The following ZNF790 variants were observed in gnomAD, a reference collection of about 807,000 sequenced individuals.
ZNF790 encodes zinc finger protein 790.
A neutral mutation model predicts 12.1 loss-of-function variants in ZNF790; 8 were observed. The observed-to-expected ratio is 0.66, with a 90% CI of 0.39 to 1.19. The LOEUF (loss-of-function observed/expected upper bound fraction) is 1.19, where lower values mean the gene tolerates loss of function less well. ZNF790 is among the 50% of genes most tolerant of loss of function. The pLI, the probability that ZNF790 is intolerant of heterozygous loss-of-function variation, is 0.01. For synonymous variants in ZNF790, 252 were observed against 244.3 expected (o/e 1.03, Z -0.29); for missense variants, 707 against 752.2 (o/e 0.94, Z 0.70).
upstream of ZNF790, among the ~76,000 whole-genome samples, chr19:36,843,002 C>CAA (rs59705640): frequency 1.3e-3 from 88 of 65,374 alleles, no homozygotes; most frequent in South Asian, 2.9e-3. Flanking sequence ...GACTCCATCT[C>CAA]AAAAAAAAAA....
rs61910745 is a variant in ZNF790 at position 36,819,627 on chromosome 19, C to G, written c.717G>C (p.Ser239=). Residue 239 remains serine, a synonymous_variant, in exon 5 of 5, where the codon TCG becomes TCC. Coordinates refer to ENST00000356725, the MANE Select transcript of ZNF790 (RefSeq NM_206894.4). The stretch of plus-strand genomic sequence containing the variant: ...GAATTCTCTTATGACCAGTAAGACT[C>G]GAACGTAAACTAAAAGACTTCCCAC... The part of the protein sequence containing the change: ...KECGKSFSLR[S]SLTGHKRIHT... 1 of 1,606,036 alleles carries G rather than the reference C, an allele frequency of 6.2e-7. No individual in the cohort carries two copies. Among genetic ancestry groups the G allele is most frequent in the East Asian group, 2.2e-5 (1 of 44,752 alleles).
intron 1 of ZNF790, among the ~76,000 whole-genome samples, chr19:36,830,600 GTCC>G (rs1371575415): frequency 6.6e-6 from 1 of 152,112 alleles, no homozygotes; most frequent in Non-Finnish European, 1.5e-5. Flanking sequence ...GATAATAGGA[GTCC>G]TCCTGAACCA....
chr19:36,822,492 C>T (rs1179740305), intron 4 of ZNF790, among the ~76,000 whole-genome samples: 36 of 151,902 alleles, frequency 2.4e-4, no homozygotes, highest in Admixed American at 2.2e-3. Flanking sequence ...TTGTCTCTAT[C>T]TAGGCCTCAG....
At chr19:36,831,457 C>T (rs2071943747) in intron 1 of ZNF790, among the ~76,000 whole-genome samples, 1 of 152,102 alleles carries the variant, frequency 6.6e-6, no homozygotes, top group East Asian at 1.9e-4. Flanking sequence ...CGGCATGTGC[C>T]TGTGGTCCCA....
intron 1 of ZNF790, among the ~76,000 whole-genome samples, chr19:36,846,422 G>A (rs1011148409): frequency 6.6e-5 from 10 of 152,134 alleles, no homozygotes; most frequent in African/African-American, 2.2e-4. Flanking sequence ...AAAATTAGCC[G>A]GGCATGGTGG....
At chr19:36,829,786 C>G (rs2071909639) in intron 1 of ZNF790, among the ~76,000 whole-genome samples, 1 of 152,110 alleles carries the variant, frequency 6.6e-6, no homozygotes, top group African/African-American at 2.4e-5. Context: ...AGGCTAGTCT[C>G]AAATTCCCGA....
intron 1 of ZNF790, among the ~76,000 whole-genome samples, chr19:36,828,661 C>T (rs576517564): frequency 3.0e-4 from 46 of 152,078 alleles, no homozygotes; most frequent in African/African-American, 1.0e-3. Context: ...TTATTTTTGT[C>T]GAGACGGGGT....
intron 2 of ZNF790, among the ~76,000 whole-genome samples, chr19:36,825,246 C>G (rs1161719799): frequency 6.6e-6 from 1 of 152,218 alleles, no homozygotes; most frequent in Admixed American, 6.5e-5. Flanking sequence ...ATGAAACATC[C>G]CATTCTACAG....
chr19:36,830,733 A>G (rs2071929952), intron 1 of ZNF790, among the ~76,000 whole-genome samples: 1 of 152,178 alleles, frequency 6.6e-6, no homozygotes, highest in East Asian at 1.9e-4. Context: ...CTTAAAAACT[A>G]CCCTTGCCCC....
chr19:36,829,202 C>T (rs190586543), intron 1 of ZNF790, among the ~76,000 whole-genome samples: 3 of 152,212 alleles, frequency 2.0e-5, no homozygotes, highest in African/African-American at 7.2e-5. Flanking sequence ...TTCACAAATA[C>T]GTGCAACCAC....
rs1314125293 is a variant in ZNF790 at position 36,819,017 on chromosome 19, T to G, written c.1327A>C (p.Ile443Leu). 1.2e-6 allele frequency: 2 copies of G among 1,614,054 alleles called. No homozygotes were observed. Among genetic ancestry groups the G allele is most frequent in the African/African-American group, 2.7e-5 (2 of 74,938 alleles). Residue 443 changes from isoleucine to leucine, a missense_variant, in exon 5 of 5, where the codon ATT becomes CTT. Coordinates refer to ENST00000356725, the MANE Select transcript of ZNF790 (RefSeq NM_206894.4). ...WASYLAQHEK[I>L]HNERKSYECK... ...TCATAGGATTTCCTCTCATTGTGAA[T>G]TTTCTCATGTTGAGCAAGATACGAA...
At chr19:36,848,155 C>T (rs2072197061) in intron 1 of ZNF790, among the ~76,000 whole-genome samples, 2 of 152,186 alleles carry the variant, frequency 1.3e-5, no homozygotes. Context: ...CTTTACTGTT[C>T]ATTAACCAAC....
At chr19:36,822,664 C>T (rs1470887656) in intron 4 of ZNF790, among the ~76,000 whole-genome samples, 2 of 152,162 alleles carry the variant, frequency 1.3e-5, no homozygotes, top group African/African-American at 4.8e-5. Flanking sequence ...CCTCAGCCTC[C>T]CGAGTAGCTG....
At position 36,819,628 on chromosome 19, in the gene ZNF790, G is replaced by T. The variant is rs200810061; in HGVS notation, c.716C>A (p.Ser239Ter). 3 of 1,606,722 alleles carry T rather than the reference G, an allele frequency of 1.9e-6. No homozygotes were observed. The highest frequency in any genetic ancestry group is 1.3e-5 in the African/African-American group (1 of 74,586). ...AATTCTCTTATGACCAGTAAGACTC[G>T]AACGTAAACTAAAAGACTTCCCACA... ...KECGKSFSLR[S>*]SLTGHKRIHT... Residue 239 changes from serine (S) to a stop codon, truncating the protein, a stop_gained, in exon 5 of 5, where the codon TCG becomes TAG. Coordinates refer to ENST00000356725, the MANE Select transcript of ZNF790 (RefSeq NM_206894.4). LOFTEE classifies it low-confidence loss of function (END_TRUNC).
Position 36,818,148 on chromosome 19 carries a change from A to C in ZNF790, c.*285T>G, listed in dbSNP as rs369251949. On this transcript the variant is annotated 3_prime_UTR_variant, in exon 5 of 5. Transcript: ENST00000356725. Reference sequence around the variant, plus strand: ...AAATTATATATAAATTCTTTATGCAACATCTCTGATGAGAATGTTTTGAGA... The same window carrying C: ...AAATTATATATAAATTCTTTATGCACCATCTCTGATGAGAATGTTTTGAGA... The C allele has an allele frequency of 1.9e-5, 4 of 209,606 alleles. No individual in the cohort carries two copies. The highest frequency in any genetic ancestry group is 5.2e-5 in the Admixed American group (1 of 19,072). The allele number at this position is 209,606 out of a possible 1,614,324, so 13.0% of individuals were successfully genotyped here. A position where few individuals can be genotyped will look rare whatever the true frequency, so the allele number is the denominator to read the frequency against.
intron 4 of ZNF790, among the ~76,000 whole-genome samples, chr19:36,820,890 GTCTTTT>G (rs1038361133): frequency 9.9e-5 from 11 of 111,298 alleles, no homozygotes; most frequent in Non-Finnish European, 5.7e-5. Flanking sequence ...GTGAGACCCT[GTCTTTT>G]TTTTTTTTTT....
At chr19:36,835,597 A>G (rs934471462) in intron 1 of ZNF790, among the ~76,000 whole-genome samples, 6 of 152,164 alleles carry the variant, frequency 3.9e-5, no homozygotes, top group Admixed American at 1.3e-4. Flanking sequence ...TTAGTTTTCT[A>G]CTGCCATGAG....
intron 1 of ZNF790, among the ~76,000 whole-genome samples, chr19:36,826,212 T>G (rs997342999): frequency 1.3e-5 from 2 of 152,008 alleles, no homozygotes; most frequent in African/African-American, 4.8e-5. Context: ...CAGGGTGGCT[T>G]TTTCATGAAG....
intron 1 of ZNF790, among the ~76,000 whole-genome samples, chr19:36,837,012 C>G (rs1276910249): frequency 9.3e-6 from 1 of 107,560 alleles, no homozygotes; most frequent in Non-Finnish European, 2.3e-5. Flanking sequence ...GTTTGTTTCT[C>G]ACACTCAAGA....
Sources: gnomAD v4.1 joint callset for allele counts (sites outside exome capture counted in the v4.1 genomes callset) on GRCh38, gnomAD v4.1.1 for gene constraint, MANE v1.5 for transcripts, NCBI Gene and HGNC (gene_info 2026-07-23, HGNC 2026-07-21) for gene names.